The following COL9A1 variants were observed in gnomAD, a reference collection of about 807,000 sequenced individuals.
COL9A1 encodes the protein collagen type IX alpha 1 chain.
Under a neutral mutation model 142.6 loss-of-function variants are expected in COL9A1, and 104 were observed. The observed-to-expected ratio is 0.73, with a 90% CI of 0.62 to 0.86. The LOEUF is 0.86. Among genes scored for constraint, COL9A1 ranks in the 40% least tolerant of loss-of-function variants. The probability of loss-of-function intolerance (pLI) is 0.00; values close to 1 mark genes in which losing one functional copy is unlikely to be tolerated. For missense variants in COL9A1, 1,210 were observed against 1,176.6 expected, an observed-to-expected ratio of 1.03 and a Z score of -0.42; for synonymous variants, 466 against 396.0, an observed-to-expected ratio of 1.18 and a Z score of -2.10.
Position 70,254,719 on chromosome 6 carries a change from GCA to G in COL9A1, c.1666-192_1666-191del, listed in dbSNP as rs570262685. On this transcript the variant is annotated intron_variant, in intron 24 of 37. Coordinates refer to ENST00000357250, the MANE Select transcript of COL9A1 (RefSeq NM_001851.6). ...AAATAGGACATAATTCAACCAAAAT[GCA>G]CAGTCTCTCTCAACTTACTTTCATC... The G allele has an allele frequency of 5.0e-4, 340 of 678,174 alleles. 2 individuals carry two copies. In the South Asian group the frequency reaches 5.9e-3, roughly 12 times the overall value. The allele number at this position is 678,174 out of a possible 1,614,324, so 42.0% of individuals were successfully genotyped here.
rs765610531 is a variant in COL9A1, at chr6:70,266,755, T to C, written c.1303A>G (p.Lys435Glu). ...LPGMRGHKGA[K>E]GEIGEPGRQG... ...CTTCCTGGTTCACCAATTTCTCCTT[T>C]AGCCCCTTTATGACCCTAACAAATG... The change falls in exon 18 of 38, where the codon AAA becomes GAA. Residue 435 changes from lysine (K) to glutamate (E), a missense_variant. By Grantham distance (56) the Lys-to-Glu change is moderately conservative. Transcript: ENST00000357250. The C allele has an allele frequency of 3.1e-6, 5 of 1,613,362 alleles. No individual in the cohort carries two copies. Among genetic ancestry groups the C allele is most frequent in the Non-Finnish European group, 3.4e-6 (4 of 1,179,500 alleles).
rs562382886 is a variant in COL9A1 at position 70,287,380 on chromosome 6, G to T, written c.697-3560C>A. On this transcript the variant is annotated intron_variant, in intron 5 of 37. Coordinates refer to ENST00000357250, the MANE Select transcript of COL9A1 (RefSeq NM_001851.6). The stretch of plus-strand genomic sequence containing the variant: ...TTTGCAAAAGATAAGGATGGGGAAA[G>T]CTTCCTTGATTTAGAGGGCATTTTG... 4.6e-5 allele frequency among the ~76,000 whole-genome samples: 7 copies of T among 152,252 alleles called. No homozygotes were observed. The East Asian group carries it at 1.2e-3, about 25-fold the overall frequency.
chr6:70,271,515 C>A, intron 14 of COL9A1, 140 bp downstream of exon 14: 1 of 737,590 alleles, frequency 1.4e-6, no homozygotes, highest in South Asian at 1.5e-5. Flanking sequence ...TGGTTCACAT[C>A]AATATTATAA....
At chr6:70,217,173 G>A in intron 37 of COL9A1, 92 bp from the exon 38 acceptor site, 1 of 1,294,512 alleles carries the variant, frequency 7.7e-7, no homozygotes, top group Admixed American at 1.8e-5. Context: ...TCAGATAAGG[G>A]GTTTAACAAA....
At position 70,271,926 on chromosome 6, in the gene COL9A1, T is replaced by G. The variant is rs140709058; in HGVS notation, c.1089+139A>C. On this transcript the variant is annotated intron_variant, in intron 13 of 37. Coordinates refer to ENST00000357250, the MANE Select transcript of COL9A1 (RefSeq NM_001851.6). ...GTTTAGCAGAATAAGGGTGTTATCC[T>G]TAGTAGCCACCTAAGATCTTGCAGG... The G allele has an allele frequency of 2.3e-5, 22 of 964,812 alleles. No individual in the cohort carries two copies. In the African/African-American group the frequency reaches 3.1e-4, roughly 14 times the overall value. The allele number at this position is 964,812 out of a possible 1,614,324, so 59.8% of individuals were successfully genotyped here.
rs1774081356 is a variant in COL9A1, at chr6:70,301,988, C to T, written c.88+13G>A. 1 of 1,601,996 alleles carries T rather than the reference C, an allele frequency of 6.2e-7. No individual in the cohort carries two copies. The highest frequency in any genetic ancestry group is 1.3e-5 in the African/African-American group (1 of 74,854). ...TAAGTGATCTTTGAAAGTCTAGAAA[C>T]TATGGCCCTTACTGGGGCGACGCTT... On this transcript the variant is annotated intron_variant, in intron 2 of 37. Transcript: ENST00000357250.
chr6:70,281,322 G>T (rs1773148304), intron 8 of COL9A1, 68 bp downstream of exon 8: 9 of 1,473,930 alleles, frequency 6.1e-6, no homozygotes, highest in Non-Finnish European at 8.4e-6. Flanking sequence ...AACCCCACAG[G>T]AGCCCTGGGA....
At chr6:70,269,713 T>C (rs1225478379) in intron 15 of COL9A1, 48 bp from the exon 16 acceptor site, 2 of 1,196,592 alleles carry the variant, frequency 1.7e-6, no homozygotes, top group African/African-American at 3.0e-5. Context: ...AAATAATGAA[T>C]TCAAACATAC....
Position 70,252,179 on chromosome 6 carries a change from A to T in COL9A1, c.1819-6T>A, listed in dbSNP as rs759050126. The T allele has an allele frequency of 6.2e-7, 1 of 1,614,074 alleles. No individual in the cohort carries two copies. Among genetic ancestry groups the T allele is most frequent in the African/African-American group, 1.3e-5 (1 of 74,922 alleles). On this transcript the variant is annotated splice_polypyrimidine_tract_variant and splice_region_variant and intron_variant, in intron 27 of 37. Coordinates refer to ENST00000357250, the MANE Select transcript of COL9A1 (RefSeq NM_001851.6). The stretch of plus-strand genomic sequence containing the variant: ...CCTGGAGGCCCCTGTTGGCCCTGTT[A>T]TCAGGAAGGAAGGTAGAAAAAAAGT...
chr6:70,253,887 A>T (rs779940178), intron 25 of COL9A1, among the ~76,000 whole-genome samples: 4 of 152,178 alleles, frequency 2.6e-5, no homozygotes, highest in Non-Finnish European at 5.9e-5. Flanking sequence ...CTCAGGTTTG[A>T]TATTATTGGG....
At chr6:70,285,313 C>T (rs1293807146) in intron 5 of COL9A1, among the ~76,000 whole-genome samples, 1 of 152,218 alleles carries the variant, frequency 6.6e-6, no homozygotes, top group East Asian at 1.9e-4. Context: ...TAAACATCAC[C>T]TACACGCTAA....
chr6:70,281,155 G>C, intron 8 of COL9A1, 116 bp from the exon 9 acceptor site: 2 of 942,884 alleles, frequency 2.1e-6, no homozygotes, highest in Non-Finnish European at 3.2e-6. Context: ...AGGGTCAAAC[G>C]TGGAGGTTCA....
intron 37 of COL9A1, among the ~76,000 whole-genome samples, chr6:70,219,778 TTAAA>T (rs1266807909): frequency 2.6e-5 from 4 of 152,228 alleles, no homozygotes; most frequent in Admixed American, 6.5e-5. Context: ...AGCTGAGTCT[TTAAA>T]TAAATATCTC....
chr6:70,221,428 C>G (rs1018305815), intron 37 of COL9A1, among the ~76,000 whole-genome samples: 1 of 152,010 alleles, frequency 6.6e-6, no homozygotes, highest in African/African-American at 2.4e-5. Flanking sequence ...TTATGTAAGG[C>G]CCAGCAACCA....
At position 70,216,501 on chromosome 6, in the gene COL9A1, A is replaced by G. The variant is rs913240158; in HGVS notation, c.*396T>C. On this transcript the variant is annotated 3_prime_UTR_variant, in exon 38 of 38. Coordinates refer to ENST00000357250, the MANE Select transcript of COL9A1 (RefSeq NM_001851.6). ...AAACAATAATCTGAGAACAACTTCT[A>G]AATGAAAATAACTACTGCAACTGAG... 1.3e-5 allele frequency: 3 copies of G among 228,504 alleles called. No individual in the cohort carries two copies. Among genetic ancestry groups the G allele is most frequent in the Non-Finnish European group, 2.6e-5 (3 of 113,260 alleles). The allele number at this position is 228,504 out of a possible 1,614,324, so 14.2% of individuals were successfully genotyped here. A position where few individuals can be genotyped will look rare whatever the true frequency, so the allele number is the denominator to read the frequency against.
At chr6:70,284,120 A>G (rs1334006923) in intron 5 of COL9A1, among the ~76,000 whole-genome samples, 3 of 152,226 alleles carry the variant, frequency 2.0e-5, no homozygotes, top group Admixed American at 6.5e-5. Flanking sequence ...TGTTCTGATG[A>G]CAATCTCAAG....
At chr6:70,256,239 TG>T (rs1209573764) in intron 21 of COL9A1, among the ~76,000 whole-genome samples, 1 of 152,246 alleles carries the variant, frequency 6.6e-6, no homozygotes, top group Non-Finnish European at 1.5e-5. Context: ...TCTTTCCCAT[TG>T]GAACACAGGA....
chr6:70,245,854 C>T (rs1234472333), intron 28 of COL9A1: 1 of 152,276 alleles, frequency 6.6e-6, no homozygotes, highest in South Asian at 2.1e-4. Flanking sequence ...ACTCAGGAGG[C>T]TGAGGCAGGA....
chr6:70,270,466 C>G (rs1023331811), intron 14 of COL9A1, 99 bp from the exon 15 acceptor site: 4 of 1,117,562 alleles, frequency 3.6e-6, no homozygotes, highest in Non-Finnish European at 5.2e-6. Context: ...CTGGAAACCC[C>G]CACCGAGCTC....
Sources: gnomAD v4.1 joint callset for allele counts (sites outside exome capture counted in the v4.1 genomes callset) on GRCh38, gnomAD v4.1.1 for gene constraint, MANE v1.5 for transcripts, NCBI Gene and HGNC (gene_info 2026-07-23, HGNC 2026-07-21) for gene names.